The following RETREG2 variants were observed in gnomAD, a reference collection of about 807,000 sequenced individuals.
The protein encoded by RETREG2 is reticulophagy regulator 2.
A neutral mutation model predicts 51.6 loss-of-function variants in RETREG2; 21 were observed. The ratio of observed to expected loss-of-function variants is 0.41; its 90% CI spans 0.29 to 0.59. RETREG2 has a LOEUF of 0.59. Among genes scored for constraint, RETREG2 ranks in the 20% least tolerant of loss-of-function variants. RETREG2 has a pLI of 0.34. For missense variants in RETREG2, 674 were observed against 646.0 expected (o/e 1.04, Z -0.47); for synonymous variants, 339 against 288.6 (o/e 1.17, Z -1.77).
In RETREG2 at chr2:219,181,764, A is replaced by T; in HGVS notation, c.1004A>T (p.Asp335Val). Residue 335 changes from aspartate to valine, a missense_variant, in exon 8 of 9, where the codon GAT becomes GTT. Physicochemically the swap from Asp to Val is radical, Grantham distance 152. Transcript: ENST00000430297. ...VSRATTPQLT[D>V]VSEDLDQQSL... ...CGGGCCACAACTCCGCAGCTGACTG[A>T]TGTCTCCGAGGGTATGGGGAGCCCT... 1 of 1,613,656 alleles carries T rather than the reference A, an allele frequency of 6.2e-7. No individual in the cohort carries two copies. The highest frequency in any genetic ancestry group is 8.5e-7 in the Non-Finnish European group (1 of 1,179,938).
rs144808050 is a variant in RETREG2 at position 219,181,709 on chromosome 2, A to C, written c.949A>C (p.Ile317Leu). The C allele has an allele frequency of 9.5e-5, 153 of 1,614,048 alleles. No homozygotes were observed. The highest frequency in any genetic ancestry group is 1.2e-4 in the Non-Finnish European group (142 of 1,179,982). ...DSELSDEEASILESGGFSVSR... is the reference protein window; with the variant it reads ...DSELSDEEASLLESGGFSVSR... ...AGAGCTGTCAGATGAGGAGGCTTCT[A>C]TCTTGGAGAGTGGTGGCTTCTCCGT... The change falls in exon 8 of 9, where the codon ATC becomes CTC. Residue 317 changes from isoleucine (I) to leucine (L), a missense_variant. Ile to Leu is a conservative substitution (Grantham distance 5). Transcript: ENST00000430297.
Position 219,182,623 on chromosome 2 carries a change from G to C in RETREG2, c.1626G>C (p.Glu542Asp), listed in dbSNP as rs765282297. The C allele has an allele frequency of 6.2e-7, 1 of 1,613,194 alleles. No homozygotes were observed. Among genetic ancestry groups the C allele is most frequent in the Non-Finnish European group, 8.5e-7 (1 of 1,179,282 alleles). Residue 542 changes from glutamate to aspartate, a missense_variant, in exon 9 of 9, where the codon GAG (glutamate) becomes GAC (aspartate). Glu to Asp is a conservative substitution (Grantham distance 45). Coordinates refer to ENST00000430297, the MANE Select transcript of RETREG2 (RefSeq NM_024293.6). ...QSDQEAQAVA[E>D]P is the part of the protein sequence containing the mutation. ...ACCAAGAAGCTCAGGCCGTGGCAGA[G>C]CCATGAGCCAGCCGTTGAGGAAGGA...
Position 219,180,198 on chromosome 2 carries a change from A to C in RETREG2, c.508A>C (p.Ile170Leu). ...GGCTGAGAGCTGGCTCACCTTCCAGATTCACCTGCAGGAGCTGCTGCAGTA... is the reference window on the plus strand; with the variant it reads ...GGCTGAGAGCTGGCTCACCTTCCAGCTTCACCTGCAGGAGCTGCTGCAGTA... ...YLAESWLTFQ[I>L]HLQELLQYKR... Residue 170 changes from isoleucine to leucine, a missense_variant, in exon 4 of 9, where the codon ATT becomes CTT. By Grantham distance (5) the Ile-to-Leu change is conservative. Transcript: ENST00000430297. 2 of 1,614,170 alleles carry C rather than the reference A, an allele frequency of 1.2e-6. No individual in the cohort carries two copies. The highest frequency in any genetic ancestry group is 1.7e-6 in the Non-Finnish European group (2 of 1,180,026).
chr2:219,179,928 C>A, intron 3 of RETREG2, 165 bp downstream of exon 3: 1 of 1,133,360 alleles, frequency 8.8e-7, no homozygotes, highest in Non-Finnish European at 1.3e-6. Flanking sequence ...TGCGTGCCTG[C>A]TCCTTTTGGG....
chr2:219,181,827 T>G (rs933732773), intron 8 of RETREG2, 52 bp downstream of exon 8: 6 of 1,600,316 alleles, frequency 3.7e-6, no homozygotes, highest in Non-Finnish European at 4.3e-6. Flanking sequence ...TTGTGTTCCC[T>G]ACCATGGGTA....
intron 8 of RETREG2, 70 bp from the exon 9 acceptor site, chr2:219,181,943 G>A: frequency 1.3e-6 from 2 of 1,583,064 alleles, no homozygotes; most frequent in Non-Finnish European, 1.7e-6. Flanking sequence ...TCTCATCCTT[G>A]AACTCATTGT....
Position 219,180,160 on chromosome 2 carries a change from T to C in RETREG2, c.470T>C (p.Leu157Ser). ...CCGCACCTGCTGAGTGTGCCCGAGTTGTGCAGATACCTGGCTGAGAGCTGG... is the reference window on the plus strand; with the variant it reads ...CCGCACCTGCTGAGTGTGCCCGAGTCGTGCAGATACCTGGCTGAGAGCTGG... ...ARPHLLSVPELCRYLAESWLT... is the reference protein window; with the variant it reads ...ARPHLLSVPESCRYLAESWLT... Residue 157 changes from leucine (L) to serine (S), a missense_variant, in exon 4 of 9, where the codon TTG becomes TCG. Leu to Ser is a moderately radical substitution (Grantham distance 145). Transcript: ENST00000430297. 6.2e-7 allele frequency: 1 copy of C among 1,614,144 alleles called. No individual in the cohort carries two copies. Among genetic ancestry groups the C allele is most frequent in the Non-Finnish European group, 8.5e-7 (1 of 1,180,018 alleles).
rs1272060947 is a variant in RETREG2, at chr2:219,181,090, G to C, written c.669G>C (p.Val223=). ...TGAGTATCCTGCTGTGGCCCCTGGT[G>C]GTTTATCATGAGCTGATCCAGAGGA... is the stretch of plus-strand genomic sequence containing the variant. ...VLLSILLWPL[V]VYHELIQRMY... is the part of the protein sequence containing the mutation. The change falls in exon 6 of 9, where the codon GTG becomes GTC. Residue 223 remains valine, a synonymous_variant. Coordinates refer to ENST00000430297, the MANE Select transcript of RETREG2 (RefSeq NM_024293.6). The C allele has an allele frequency of 5.0e-6, 8 of 1,614,134 alleles. No homozygotes were observed. Among genetic ancestry groups the C allele is most frequent in the Non-Finnish European group, 6.8e-6 (8 of 1,180,024 alleles).
At position 219,182,268 on chromosome 2, in the gene RETREG2, GC is replaced by G; in HGVS notation, c.1272del (p.Ser425ProfsTer9). The G allele has an allele frequency of 1.2e-6, 2 of 1,614,116 alleles. No individual in the cohort carries two copies. The highest frequency in any genetic ancestry group is 1.7e-6 in the Non-Finnish European group (2 of 1,180,008). Reference protein sequence around the residue: ...GAGSPPDGVKCSPGGPVETLS... With the variant: ...GAGSPPDGVKXSPGGPVETLS... Reference sequence around the variant, plus strand: ...GGGTCCCCCCCAGATGGAGTGAAATGCTCCCCTGGAGGACCAGTGGAGACAC... The same window carrying G: ...GGGTCCCCCCCAGATGGAGTGAAATGTCCCCTGGAGGACCAGTGGAGACAC... On this transcript the variant is annotated frameshift_variant, in exon 9 of 9. Transcript: ENST00000430297. LOFTEE classifies it high-confidence loss of function.
chr2:219,180,159 T>C lies in RETREG2; in HGVS notation c.469T>C (p.Leu157=). The change falls in exon 4 of 9, where the codon TTG becomes CTG. Residue 157 remains leucine, a synonymous_variant. Coordinates refer to ENST00000430297, the MANE Select transcript of RETREG2 (RefSeq NM_024293.6). ...ARPHLLSVPE[L]CRYLAESWLT... ...GCCGCACCTGCTGAGTGTGCCCGAGTTGTGCAGATACCTGGCTGAGAGCTG... is the reference window on the plus strand; with the variant it reads ...GCCGCACCTGCTGAGTGTGCCCGAGCTGTGCAGATACCTGGCTGAGAGCTG... 6.2e-7 allele frequency: 1 copy of C among 1,613,988 alleles called. No homozygotes were observed. The highest frequency in any genetic ancestry group is 8.5e-7 in the Non-Finnish European group (1 of 1,179,986).
chr2:219,184,814 G>GTGTT lies in RETREG2; in HGVS notation c.*2186_*2187insGTTT, dbSNP rs1950327584. Reference sequence around the variant, plus strand: ...TTTGTTGTTGTTGTTTTGGTTTTTTGTTTTTTGTGGGTTTTTTTTTTTTTT... The same window carrying GTGTT: ...TTTGTTGTTGTTGTTTTGGTTTTTTGTGTTTTTTTTGTGGGTTTTTTTTTTTTTT... On this transcript the variant is annotated 3_prime_UTR_variant, in exon 9 of 9. Transcript: ENST00000430297. The GTGTT allele has an allele frequency of 2.6e-5, 2 of 77,836 alleles. No homozygotes were observed. 4.8% of individuals were successfully genotyped at this position (77,836 alleles called of 1,614,324 possible). A position where few individuals can be genotyped will look rare whatever the true frequency, so the allele number is the denominator to read the frequency against.
chr2:219,178,731 C>A, intron 1 of RETREG2, 98 bp downstream of exon 1: 2 of 1,319,764 alleles, frequency 1.5e-6, no homozygotes, highest in Non-Finnish European at 2.0e-6. Context: ...GGCCTGGGGG[C>A]ATGACCCATC....
Position 219,178,475 on chromosome 2 carries a change from G to A in RETREG2, c.123G>A (p.Glu41=). 1.9e-6 allele frequency: 2 copies of A among 1,066,042 alleles called. No homozygotes were observed. The highest frequency in any genetic ancestry group is 1.3e-6 in the Non-Finnish European group (1 of 768,654). The allele number at this position is 1,066,042 out of a possible 1,614,324, so 66.0% of individuals were successfully genotyped here. A position where few individuals can be genotyped will look rare whatever the true frequency, so the allele number is the denominator to read the frequency against. ...GMSEATSEAE[E]EAATAEAVGR... ...GTGAGGCCACCAGTGAGGCAGAGGA[G>A]GAGGCGGCCACGGCCGAGGCGGTGG... Residue 41 remains glutamate (E), a synonymous_variant, in exon 1 of 9, where the codon GAG becomes GAA. Coordinates refer to ENST00000430297, the MANE Select transcript of RETREG2 (RefSeq NM_024293.6).
chr2:219,182,546 C>G lies in RETREG2; in HGVS notation c.1549C>G (p.Pro517Ala), dbSNP rs761985026. The change falls in exon 9 of 9, where the codon CCC becomes GCC. Residue 517 changes from proline to alanine, a missense_variant. By Grantham distance (27) the Pro-to-Ala change is conservative. Coordinates refer to ENST00000430297, the MANE Select transcript of RETREG2 (RefSeq NM_024293.6). The stretch of plus-strand genomic sequence containing the variant: ...CTTGGAGCCAGAGACACCGCCAAAA[C>G]CCCCTGATGCTCCACCCCTGGGGCC... ...LGLEPETPPK[P>A]PDAPPLGPDI... 6.2e-7 allele frequency: 1 copy of G among 1,614,058 alleles called. No homozygotes were observed. Among genetic ancestry groups the G allele is most frequent in the Admixed American group, 1.7e-5 (1 of 60,004 alleles).
intron 2 of RETREG2, among the ~76,000 whole-genome samples, chr2:219,179,322 T>G (rs1168881102): frequency 6.6e-6 from 1 of 152,256 alleles, no homozygotes; most frequent in Non-Finnish European, 1.5e-5. Context: ...AATTTCTGTT[T>G]GTCTCAATTT....
chr2:219,180,503 G>C (rs562865665), intron 4 of RETREG2, among the ~76,000 whole-genome samples, 167 bp from the exon 5 acceptor site: 3 of 152,320 alleles, frequency 2.0e-5, no homozygotes, highest in Admixed American at 2.0e-4. Flanking sequence ...ATTATGTATT[G>C]CCAGCTTCCT....
intron 8 of RETREG2, 63 bp from the exon 9 acceptor site, chr2:219,181,950 T>C (rs1950285379): frequency 6.3e-7 from 1 of 1,587,130 alleles, no homozygotes; most frequent in Non-Finnish European, 8.6e-7. Flanking sequence ...CTTGAACTCA[T>C]TGTCTGTTGT....
chr2:219,180,862 A>G, intron 5 of RETREG2, 108 bp downstream of exon 5: 1 of 1,404,936 alleles, frequency 7.1e-7, no homozygotes, highest in Non-Finnish European at 1.0e-6. Context: ...TGATTTGTGG[A>G]GATCTCCAGG....
rs377327252 is a variant in RETREG2, at chr2:219,181,072, C to T, written c.651C>T (p.Ile217=). 6.2e-7 allele frequency: 1 copy of T among 1,614,120 alleles called. No individual in the cohort carries two copies. The highest frequency in any genetic ancestry group is 8.5e-7 in the Non-Finnish European group (1 of 1,180,022). ...IMISYIVLLS[I]LLWPLVVYHE... ...GTTCTTAACCCATAGTGTTGAGTAT[C>T]CTGCTGTGGCCCCTGGTGGTTTATC... is the stretch of plus-strand genomic sequence containing the variant. Residue 217 remains isoleucine (I), a synonymous_variant, in exon 6 of 9, where the codon ATC becomes ATT. Transcript: ENST00000430297.
Sources: gnomAD v4.1 joint callset for allele counts (sites outside exome capture counted in the v4.1 genomes callset) on GRCh38, gnomAD v4.1.1 for gene constraint, MANE v1.5 for transcripts, NCBI Gene and HGNC (gene_info 2026-07-23, HGNC 2026-07-21) for gene names.